The following FARP1 variants were observed in gnomAD, a reference collection of about 807,000 sequenced individuals.
FARP1 encodes FERM, ARH/RhoGEF and pleckstrin domain protein 1.
Under a neutral mutation model 128.8 loss-of-function variants are expected in FARP1, and 52 were observed. The ratio of observed to expected loss-of-function variants is 0.40; its 90% confidence interval spans 0.32 to 0.51. The LOEUF is 0.51. Ranked by LOEUF, FARP1 falls within the 20% of genes least tolerant of loss-of-function variation. FARP1 has a pLI of 0.45. For missense variants in FARP1, 1,333 were observed against 1,367.9 expected (o/e 0.97, Z 0.40); for synonymous variants, 580 against 551.8 (o/e 1.05, Z -0.72).
At chr13:98,447,214 A>G in intron 26 of FARP1, 1 of 162,100 alleles carries the variant, frequency 6.2e-6, no homozygotes, top group Admixed American at 6.3e-5. Flanking sequence ...TATTTTGAAT[A>G]GAGATCCTGG....
At chr13:98,311,546 G>A (rs9517252) in intron 2 of FARP1, among the ~76,000 whole-genome samples, 116 of 152,014 alleles carry the variant, frequency 7.6e-4, no homozygotes, top group Non-Finnish European at 1.3e-3. Context: ...GCAAATCAGG[G>A]TGCTGTGTGT....
chr13:98,336,294 C>T lies in FARP1; in HGVS notation c.172-7468C>T, dbSNP rs879861584. Among the ~76,000 whole-genome samples, 8 of 152,096 alleles carry T rather than the reference C, an allele frequency of 5.3e-5. No homozygotes were observed. The East Asian group carries it at 7.7e-4, about 15-fold the overall frequency. On this transcript the variant is annotated intron_variant, in intron 2 of 26. Transcript: ENST00000319562. ...AGACAGGGAGTCTTACTCTGTCGCC[C>T]GGGCTGGAGTGCAGTTGCGTGATCT...
At chr13:98,181,536 A>G (rs1878511209) in intron 1 of FARP1, among the ~76,000 whole-genome samples, 2 of 151,922 alleles carry the variant, frequency 1.3e-5, no homozygotes, top group South Asian at 4.1e-4. Context: ...TAAAAAAAAT[A>G]CAAAAAAGTA....
chr13:98,210,009 A>G (rs1880578080), intron 1 of FARP1, among the ~76,000 whole-genome samples: 1 of 150,902 alleles, frequency 6.6e-6, no homozygotes, highest in Admixed American at 6.6e-5. Flanking sequence ...TCATAATAAT[A>G]ATAGTAAAAT....
At chr13:98,422,235 C>A (rs1891618694) in intron 16 of FARP1, among the ~76,000 whole-genome samples, 1 of 152,202 alleles carries the variant, frequency 6.6e-6, no homozygotes, top group African/African-American at 2.4e-5. Flanking sequence ...GAGGGCCACG[C>A]AGTGGGGCCG....
rs1893270890 is a variant in FARP1 at position 98,453,054 on chromosome 13, G to A, written c.*4737G>A. 29 of 1,160,150 alleles carry A rather than the reference G, an allele frequency of 2.5e-5. No homozygotes were observed. The South Asian group carries it at 3.8e-4, about 15-fold the overall frequency. 71.9% of individuals were successfully genotyped at this position (1,160,150 alleles called of 1,614,324 possible). A position where few individuals can be genotyped will look rare whatever the true frequency, so the allele number is the denominator to read the frequency against. On this transcript the variant is annotated 3_prime_UTR_variant, in exon 27 of 27. Transcript: ENST00000319562. The stretch of plus-strand genomic sequence containing the variant: ...CCCTGGACGGGCGCCTGGCGCTGGG[G>A]TGGCTCCCAGTGGCGCACCTCTTCG...
At position 98,339,883 on chromosome 13, in the gene FARP1, A is replaced by G. The variant is rs149782996; in HGVS notation, c.172-3879A>G. Among the ~76,000 whole-genome samples, 20 of 152,254 alleles carry G rather than the reference A, an allele frequency of 1.3e-4. No individual in the cohort carries two copies. In the East Asian group the frequency reaches 1.7e-3, roughly 13 times the overall value. On this transcript the variant is annotated intron_variant, in intron 2 of 26. Coordinates refer to ENST00000319562, the MANE Select transcript of FARP1 (RefSeq NM_005766.4). ...GTTTCACTTGTCTCTGACAGGCCCT[A>G]AGGAGTGTGCAGTGCTGGGGCGGCA...
intron 2 of FARP1, among the ~76,000 whole-genome samples, chr13:98,264,586 A>T (rs1185508039): frequency 6.6e-6 from 1 of 152,220 alleles, no homozygotes; most frequent in Non-Finnish European, 1.5e-5. Flanking sequence ...GATATGCCAA[A>T]GAGAAGCCAT....
chr13:98,169,761 G>T (rs920358533), intron 1 of FARP1, among the ~76,000 whole-genome samples: 30 of 152,112 alleles, frequency 2.0e-4, no homozygotes, highest in African/African-American at 7.2e-4. Context: ...ATTTTAAAGT[G>T]TCACAACTTC....
chr13:98,260,782 G>A (rs1190312401), intron 2 of FARP1, among the ~76,000 whole-genome samples: 2 of 152,212 alleles, frequency 1.3e-5, no homozygotes, highest in African/African-American at 4.8e-5. Flanking sequence ...ACCACTGTTT[G>A]AAATCAACTT....
chr13:98,217,117 CATT>C (rs1881107595), intron 2 of FARP1, among the ~76,000 whole-genome samples: 1 of 152,172 alleles, frequency 6.6e-6, no homozygotes. Flanking sequence ...TTCCCACTGA[CATT>C]AGTAGGATGA....
intron 1 of FARP1, among the ~76,000 whole-genome samples, chr13:98,207,911 CA>C (rs1490444949): frequency 2.0e-4 from 13 of 65,760 alleles, no homozygotes; most frequent in Admixed American, 1.5e-3. Flanking sequence ...ACCACCTCCA[CA>C]CACACACACA....
chr13:98,334,003 G>T (rs969493482), intron 2 of FARP1: 1 of 151,944 alleles, frequency 6.6e-6, no homozygotes, highest in Non-Finnish European at 1.5e-5. Context: ...ATTAGAGCTC[G>T]CCTAGTCTGG....
At position 98,453,047 on chromosome 13, in the gene FARP1, C is replaced by CG. The variant is rs1048081659; in HGVS notation, c.*4731dup. ...TGTGTGTCCCTGGACGGGCGCCTGG[C>CG]GCTGGGGTGGCTCCCAGTGGCGCAC... is the stretch of plus-strand genomic sequence containing the variant. On this transcript the variant is annotated 3_prime_UTR_variant, in exon 27 of 27. Transcript: ENST00000319562. 2.1e-4 allele frequency: 219 copies of CG among 1,067,246 alleles called. No homozygotes were observed. The highest frequency in any genetic ancestry group is 2.9e-4 in the Non-Finnish European group (210 of 724,850). The allele number at this position is 1,067,246 out of a possible 1,614,324, so 66.1% of individuals were successfully genotyped here.
chr13:98,317,227 T>A (rs1399071038), intron 2 of FARP1, among the ~76,000 whole-genome samples: 1 of 152,200 alleles, frequency 6.6e-6, no homozygotes, highest in African/African-American at 2.4e-5. Context: ...ATTTCAAACA[T>A]GAAATCTCAT....
chr13:98,317,418 A>G (rs555736215), intron 2 of FARP1, among the ~76,000 whole-genome samples: 1 of 152,254 alleles, frequency 6.6e-6, no homozygotes, highest in Admixed American at 6.5e-5. Flanking sequence ...CCACACAACT[A>G]GCAAATGAAA....
At chr13:98,357,139 G>T (rs1268038019) in intron 3 of FARP1, among the ~76,000 whole-genome samples, 1 of 151,900 alleles carries the variant, frequency 6.6e-6, no homozygotes, top group Admixed American at 6.6e-5. Context: ...TTTTAATCCA[G>T]ACTAACAATC....
intron 16 of FARP1, 103 bp from the exon 17 acceptor site, chr13:98,424,469 G>A: frequency 1.3e-6 from 1 of 761,290 alleles, no homozygotes; most frequent in South Asian, 1.4e-5. Context: ...AGATGTCCGG[G>A]GAGGGGTGAT....
At chr13:98,291,865 G>GTGT (rs1210715168) in intron 2 of FARP1, among the ~76,000 whole-genome samples, 1 of 152,192 alleles carries the variant, frequency 6.6e-6, no homozygotes, top group Non-Finnish European at 1.5e-5. Flanking sequence ...ACACCATCTG[G>GTGT]CCCAATTCCC....
Sources: gnomAD v4.1 joint callset for allele counts (sites outside exome capture counted in the v4.1 genomes callset) on GRCh38, gnomAD v4.1.1 for gene constraint, MANE v1.5 for transcripts, NCBI Gene and HGNC (gene_info 2026-07-23, HGNC 2026-07-21) for gene names.